Variants in MUSK observed in about 807,000 individuals in gnomAD.
MUSK encodes muscle, skeletal receptor tyrosine-protein kinase.
Under a neutral mutation model 88.7 loss-of-function variants are expected in MUSK, and 55 were observed. The observed-to-expected ratio is 0.62, with a 90% CI of 0.50 to 0.78. MUSK has a LOEUF of 0.78. Among genes scored for constraint, MUSK ranks in the 30% least tolerant of loss-of-function variants. The probability of loss-of-function intolerance (pLI) is 0.00; values close to 1 mark genes in which losing one functional copy is unlikely to be tolerated. For missense variants in MUSK, 1,015 were observed against 1,074.3 expected (o/e 0.94, Z 0.77); for synonymous variants, 387 against 391.9 (o/e 0.99, Z 0.15).
At chr9:110,703,998 T>G (rs1336837351) in intron 5 of MUSK, among the ~76,000 whole-genome samples, 1 of 152,208 alleles carries the variant, frequency 6.6e-6, no homozygotes, top group Admixed American at 6.5e-5. Context: ...AGACAGATTA[T>G]TTATAAGGGA....
intron 6 of MUSK, among the ~76,000 whole-genome samples, chr9:110,734,716 G>T (rs1246439317): frequency 6.6e-6 from 1 of 152,092 alleles, no homozygotes; most frequent in Non-Finnish European, 1.5e-5. Context: ...CTACTTTGAT[G>T]GAAAGTAATC....
At chr9:110,776,544 C>T in intron 10 of MUSK, 88 bp from the exon 11 acceptor site, 1 of 1,044,328 alleles carries the variant, frequency 9.6e-7, no homozygotes, top group South Asian at 1.4e-5. Context: ...TGAGAGAGAA[C>T]TTGCATTTCT....
intron 14 of MUSK, among the ~76,000 whole-genome samples, chr9:110,790,670 A>G (rs2077958175): frequency 6.6e-6 from 1 of 152,186 alleles, no homozygotes; most frequent in African/African-American, 2.4e-5. Context: ...ATCTCATCTG[A>G]GGGTGAGGAA....
chr9:110,745,363 C>G (rs1355922522), intron 6 of MUSK, among the ~76,000 whole-genome samples: 2 of 151,396 alleles, frequency 1.3e-5, no homozygotes. Flanking sequence ...AAAGTTGTCT[C>G]TAAGGCATTG....
At chr9:110,798,595 C>A (rs1369994391) in intron 14 of MUSK, among the ~76,000 whole-genome samples, 2 of 152,088 alleles carry the variant, frequency 1.3e-5, no homozygotes, top group African/African-American at 4.8e-5. Context: ...ATGCATCCAC[C>A]TATGCATTAA....
chr9:110,735,583 G>T (rs1007752917), intron 6 of MUSK, among the ~76,000 whole-genome samples: 3 of 152,090 alleles, frequency 2.0e-5, no homozygotes, highest in Non-Finnish European at 4.4e-5. Context: ...ATAAAGAGGG[G>T]TTCGTTCATG....
chr9:110,799,097 T>A (rs937838629), intron 14 of MUSK, among the ~76,000 whole-genome samples: 2 of 152,204 alleles, frequency 1.3e-5, no homozygotes, highest in East Asian at 3.8e-4. Context: ...CTAAGTATTA[T>A]CCAGTTGGTA....
intron 6 of MUSK, among the ~76,000 whole-genome samples, chr9:110,742,379 C>A (rs1294344411): frequency 6.6e-6 from 1 of 152,112 alleles, no homozygotes; most frequent in Non-Finnish European, 1.5e-5. Context: ...TCACTTGAAT[C>A]CAGGAGGTGG....
intron 1 of MUSK, among the ~76,000 whole-genome samples, chr9:110,680,038 A>C (rs1220525043): frequency 2.6e-5 from 4 of 152,096 alleles, no homozygotes. Context: ...TTCTGGTATA[A>C]ATTATTCCTT....
At chr9:110,782,556 AATTAC>A (rs2077778340) in intron 11 of MUSK, among the ~76,000 whole-genome samples, 1 of 152,212 alleles carries the variant, frequency 6.6e-6, no homozygotes, top group Non-Finnish European at 1.5e-5. Flanking sequence ...CAACTTTACT[AATTAC>A]ATTATATTCC....
At chr9:110,728,444 G>A in intron 5 of MUSK, 1 of 516,456 alleles carries the variant, frequency 1.9e-6, no homozygotes, top group East Asian at 3.4e-5. Flanking sequence ...TTTATTTTCT[G>A]TATAATACTG....
At chr9:110,776,509 G>A in intron 10 of MUSK, 123 bp from the exon 11 acceptor site, 1 of 781,150 alleles carries the variant, frequency 1.3e-6, no homozygotes, top group Non-Finnish European at 2.1e-6. Context: ...TGCAAAGAAT[G>A]TTTTCCAGTT....
intron 5 of MUSK, among the ~76,000 whole-genome samples, chr9:110,723,256 C>CAT (rs1043565142): frequency 1.3e-5 from 2 of 151,608 alleles, no homozygotes; most frequent in African/African-American, 4.8e-5. Context: ...CACACACACA[C>CAT]ACACACATAC....
intron 11 of MUSK, among the ~76,000 whole-genome samples, chr9:110,779,668 T>G (rs2077722778): frequency 6.6e-6 from 1 of 152,204 alleles, no homozygotes; most frequent in African/African-American, 2.4e-5. Flanking sequence ...GAGTATAGAT[T>G]AAACTCATGC....
intron 5 of MUSK, 37 bp downstream of exon 5, chr9:110,697,503 A>G (rs1412621959): frequency 1.3e-6 from 2 of 1,594,288 alleles, no homozygotes; most frequent in Middle Eastern, 3.3e-4. Context: ...CTGTGTGACC[A>G]GGGGCCTCAC....
intron 6 of MUSK, among the ~76,000 whole-genome samples, chr9:110,741,144 A>C (rs1248976974): frequency 1.3e-5 from 2 of 152,154 alleles, no homozygotes; most frequent in Non-Finnish European, 2.9e-5. Context: ...TTCTCAAAAC[A>C]CACACACAAA....
chr9:110,687,567 T>A (rs968177921), intron 3 of MUSK, among the ~76,000 whole-genome samples: 2 of 152,066 alleles, frequency 1.3e-5, no homozygotes, highest in African/African-American at 4.8e-5. Flanking sequence ...ACTCCTGACC[T>A]CTGGTGATCC....
intron 6 of MUSK, among the ~76,000 whole-genome samples, chr9:110,737,609 T>C (rs1156705819): frequency 6.6e-6 from 1 of 152,134 alleles, no homozygotes; most frequent in African/African-American, 2.4e-5. Flanking sequence ...TCTTATAGAA[T>C]AGACTGCCAA....
At chr9:110,773,676 G>A (rs531879737) in intron 9 of MUSK, among the ~76,000 whole-genome samples, 1 of 152,168 alleles carries the variant, frequency 6.6e-6, no homozygotes, top group African/African-American at 2.4e-5. Context: ...GTACATATGT[G>A]TTTTTGACTG....
Sources: allele counts gnomAD v4.1 joint callset (sites outside exome capture counted in the v4.1 genomes callset), GRCh38; gene constraint gnomAD v4.1.1; transcripts MANE v1.5; gene names NCBI Gene and HGNC (gene_info 2026-07-23, HGNC 2026-07-21).